Variants in IPCEF1 observed in about 807,000 individuals in gnomAD.
The protein encoded by IPCEF1 is interaction protein for cytohesin exchange factors 1, also known as interactor protein for cytohesin exchange factors 1.
A neutral mutation model predicts 50.9 loss-of-function variants in IPCEF1; 31 were observed. The observed-to-expected ratio is 0.61, with a 90% CI of 0.46 to 0.82. The LOEUF (loss-of-function observed/expected upper bound fraction) is 0.82. Among genes scored for constraint, IPCEF1 ranks in the 40% least tolerant of loss-of-function variants. The pLI is 0.00. For missense variants in IPCEF1, 458 were observed against 514.0 expected (o/e 0.89, Z 1.05); for synonymous variants, 181 against 192.0 (o/e 0.94, Z 0.47).
At chr6:154,214,443 C>T in intron 7 of IPCEF1, 167 bp from the exon 8 acceptor site, 1 of 636,800 alleles carries the variant, frequency 1.6e-6, no homozygotes, top group Non-Finnish European at 2.9e-6. Context: ...TCTGGTTTCA[C>T]AATACTTTCC....
chr6:154,191,672 TCAACAA>T (rs140096033), intron 10 of IPCEF1, among the ~76,000 whole-genome samples: 19,594 of 149,510 alleles, frequency 0.13, 2,240 homozygotes, highest in East Asian at 0.61. Flanking sequence ...AGACTTTGCC[TCAACAA>T]CAACAACAAC....
intron 3 of IPCEF1, among the ~76,000 whole-genome samples, chr6:154,256,925 T>C (rs975842712): frequency 6.6e-6 from 1 of 152,220 alleles, no homozygotes; most frequent in African/African-American, 2.4e-5. Context: ...TAGGTTTGTG[T>C]TAGATGATTT....
chr6:154,352,084 A>G (rs1367172926), intron 1 of IPCEF1, among the ~76,000 whole-genome samples: 1 of 152,162 alleles, frequency 6.6e-6, no homozygotes, highest in African/African-American at 2.4e-5. Flanking sequence ...CATGGCACAC[A>G]TTTACCTATG....
intron 1 of IPCEF1, among the ~76,000 whole-genome samples, chr6:154,290,893 C>CTTTTTTTTTT (rs3045866): frequency 0.035 from 4,378 of 126,784 alleles, 245 homozygotes; most frequent in African/African-American, 0.055. Flanking sequence ...AATATATTGC[C>CTTTTTTTTTT]TTTTTTTTTT....
At chr6:154,227,092 G>GGAGGCT (rs1779312396) in intron 5 of IPCEF1, among the ~76,000 whole-genome samples, 2 of 151,948 alleles carry the variant, frequency 1.3e-5, no homozygotes, top group South Asian at 4.1e-4. Context: ...CAGCTACTTG[G>GGAGGCT]GAGGCTGAGG....
chr6:154,332,706 C>A (rs1394161424), intron 1 of IPCEF1, among the ~76,000 whole-genome samples: 2 of 152,138 alleles, frequency 1.3e-5, no homozygotes, highest in African/African-American at 4.8e-5. Context: ...CTAGAGAGAT[C>A]ACCAGGTAGA....
At chr6:154,228,565 G>T (rs1779457626) in intron 5 of IPCEF1, among the ~76,000 whole-genome samples, 1 of 151,994 alleles carries the variant, frequency 6.6e-6, no homozygotes, top group Non-Finnish European at 1.5e-5. Context: ...CTCTGATTTT[G>T]TTCATCTCAG....
At chr6:154,336,266 C>A (rs1783784847) in intron 1 of IPCEF1, among the ~76,000 whole-genome samples, 1 of 152,142 alleles carries the variant, frequency 6.6e-6, no homozygotes, top group Non-Finnish European at 1.5e-5. Flanking sequence ...TGGAATCAAC[C>A]TAAGTGTCCA....
At chr6:154,295,483 C>T (rs1163104550) in intron 1 of IPCEF1, among the ~76,000 whole-genome samples, 4 of 152,176 alleles carry the variant, frequency 2.6e-5, no homozygotes, top group African/African-American at 4.8e-5. Flanking sequence ...AACACACACA[C>T]ACACCTCTTT....
At chr6:154,195,184 G>C (rs1776503120) in intron 10 of IPCEF1, among the ~76,000 whole-genome samples, 1 of 125,888 alleles carries the variant, frequency 7.9e-6, no homozygotes, top group African/African-American at 3.2e-5. Flanking sequence ...ATCTCGCTCT[G>C]TCACCCAGGC....
At chr6:154,266,122 C>T (rs911394019) in intron 2 of IPCEF1, among the ~76,000 whole-genome samples, 158 bp from the exon 3 acceptor site, 1 of 152,186 alleles carries the variant, frequency 6.6e-6, no homozygotes, top group Non-Finnish European at 1.5e-5. Flanking sequence ...CATGGTGGCT[C>T]ATGCCTCTAG....
At chr6:154,246,478 A>T in intron 5 of IPCEF1, 113 bp downstream of exon 5, 1 of 1,223,124 alleles carries the variant, frequency 8.2e-7, no homozygotes, top group Non-Finnish European at 1.1e-6. Flanking sequence ...TTGTTTATTT[A>T]CTCCGCTCCA....
chr6:154,318,892 T>C (rs12204347), intron 1 of IPCEF1, among the ~76,000 whole-genome samples: 11,634 of 152,206 alleles, frequency 0.076, 598 homozygotes, highest in Non-Finnish European at 0.12. Flanking sequence ...CCAACCTATG[T>C]GTGTCTGTCT....
At chr6:154,240,621 A>G (rs1780503024) in intron 5 of IPCEF1, among the ~76,000 whole-genome samples, 1 of 152,208 alleles carries the variant, frequency 6.6e-6, no homozygotes, top group African/African-American at 2.4e-5. Flanking sequence ...CTACATGGGT[A>G]ATTCTGCCCA....
chr6:154,160,083 G>A (rs1444396734), intron 11 of IPCEF1, 43 bp from the exon 12 acceptor site: 3 of 1,441,732 alleles, frequency 2.1e-6, no homozygotes, highest in African/African-American at 2.8e-5. Context: ...TGTTGAGAGT[G>A]TCTTAATTTA....
chr6:154,271,813 C>A (rs993406434), intron 2 of IPCEF1, among the ~76,000 whole-genome samples: 1 of 152,112 alleles, frequency 6.6e-6, no homozygotes, highest in East Asian at 1.9e-4. Flanking sequence ...GCAAAACCCT[C>A]ATTTTTACAA....
At chr6:154,344,874 T>C (rs1054822998) in intron 1 of IPCEF1, among the ~76,000 whole-genome samples, 1 of 152,210 alleles carries the variant, frequency 6.6e-6, no homozygotes, top group Non-Finnish European at 1.5e-5. Context: ...ACATGTCACT[T>C]TGGGTCTTTT....
At chr6:154,290,823 C>T (rs951178767) in intron 1 of IPCEF1, among the ~76,000 whole-genome samples, 3 of 151,768 alleles carry the variant, frequency 2.0e-5, no homozygotes, top group Admixed American at 6.6e-5. Flanking sequence ...TTAAATACCA[C>T]GAAAGATGTG....
chr6:154,313,073 A>AAAAAAC (rs1378039943), intron 1 of IPCEF1, among the ~76,000 whole-genome samples: 1 of 148,974 alleles, frequency 6.7e-6, no homozygotes, highest in African/African-American at 2.5e-5. Flanking sequence ...GTCTCAAAAA[A>AAAAAAC]AAAAAAAAAA....
Sources: allele counts gnomAD v4.1 joint callset (sites outside exome capture counted in the v4.1 genomes callset), GRCh38; gene constraint gnomAD v4.1.1; transcripts MANE v1.5; gene names NCBI Gene and HGNC (gene_info 2026-07-23, HGNC 2026-07-21).